The following UBR4 variants were observed in gnomAD, a reference collection of about 807,000 sequenced individuals.
UBR4 encodes the protein E3 ubiquitin-protein ligase UBR4.
UBR4 carries 124 observed loss-of-function variants against 575.6 expected under a neutral mutation model. That is an observed-to-expected ratio of 0.22 (90% confidence interval 0.19 to 0.25). UBR4 has a LOEUF of 0.25. UBR4 is among the 10% of genes least tolerant of loss of function. UBR4 has a pLI of 1.00. For synonymous variants in UBR4, 2,455 were observed against 2,473.7 expected (o/e 0.99, Z 0.22); for missense variants, 4,818 against 6,478.8 (o/e 0.74, Z 8.80).
At chr1:19,148,988 T>G (rs2150205246) in intron 49 of UBR4, among the ~76,000 whole-genome samples, 1 of 152,242 alleles carries the variant, frequency 6.6e-6, no homozygotes, top group African/African-American at 2.4e-5. Context: ...TGCCCAGAGA[T>G]CAGTGGGCAA....
Position 19,167,436 on chromosome 1 carries a change from C to T in UBR4, c.3900-205G>A, listed in dbSNP as rs189796635. ...ATATTCTTCTTTTTCATTATTATATCAGAAACAAAAATCATTTTCATTTGA... is the reference window on the plus strand; with the variant it reads ...ATATTCTTCTTTTTCATTATTATATTAGAAACAAAAATCATTTTCATTTGA... On this transcript the variant is annotated intron_variant, in intron 28 of 105. Transcript: ENST00000375254. 3.0e-3 allele frequency among the ~76,000 whole-genome samples: 460 copies of T among 152,262 alleles called. 2 individuals carry two copies. Among genetic ancestry groups the T allele is most frequent in the African/African-American group, 0.011 (446 of 41,548 alleles).
intron 60 of UBR4, among the ~76,000 whole-genome samples, chr1:19,132,391 A>G (rs2082588761): frequency 6.6e-6 from 1 of 151,986 alleles, no homozygotes; most frequent in Non-Finnish European, 1.5e-5. Context: ...TATGTTGAGC[A>G]GGCTGGTTTT....
chr1:19,126,617 T>C lies in UBR4; in HGVS notation c.9267A>G (p.Leu3089=), dbSNP rs143005308. 796 of 1,613,990 alleles carry C rather than the reference T, an allele frequency of 4.9e-4. No homozygotes were observed. Among genetic ancestry groups the C allele is most frequent in the African/African-American group, 3.6e-3 (270 of 75,030 alleles). ...AGTAGTCCACAGCCCCAGAGCTCAGTAGAGCTGCTGCTGTGGCACTGGAGA... is the reference window on the plus strand; with the variant it reads ...AGTAGTCCACAGCCCCAGAGCTCAGCAGAGCTGCTGCTGTGGCACTGGAGA... The part of the protein sequence containing the change: ...SLISSATAAA[L]LSSGAVDYCL... The change falls in exon 64 of 106, where the codon CTA becomes CTG. Residue 3089 remains leucine, a synonymous_variant. Coordinates refer to ENST00000375254, the MANE Select transcript of UBR4 (RefSeq NM_020765.3).
rs758212053 is a variant in UBR4 at position 19,146,915 on chromosome 1, C to T, written c.7715G>A (p.Arg2572Lys). ...GKDLDPEVFQ[R>K]LVITARSIAI... is the part of the protein sequence containing the mutation. ...AATGGAGCGAGCTGTGATCACTAGC[C>T]TCTGGAACACCTCAGGGTCCAAATC... The change falls in exon 52 of 106, where the codon AGG (arginine) becomes AAG (lysine). Residue 2572 changes from arginine to lysine, a missense_variant. Physicochemically the swap from Arg to Lys is conservative, Grantham distance 26. Around this residue, in one of 29 missense-constraint regions of UBR4, gnomAD observed 340 missense variants for 375.4 expected, o/e 0.91. Coordinates refer to ENST00000375254, the MANE Select transcript of UBR4 (RefSeq NM_020765.3). 132 of 1,614,046 alleles carry T rather than the reference C, an allele frequency of 8.2e-5. No individual in the cohort carries two copies. The highest frequency in any genetic ancestry group is 9.2e-5 in the Non-Finnish European group (109 of 1,180,002).
intron 65 of UBR4, 47 bp from the exon 66 acceptor site, chr1:19,123,107 T>C (rs961645983): frequency 5.0e-6 from 8 of 1,591,308 alleles, no homozygotes; most frequent in Non-Finnish European, 6.0e-6. Flanking sequence ...TGGGACTGTA[T>C]CTATATCAAC....
At position 19,076,854 on chromosome 1, in the gene UBR4, C is replaced by G; in HGVS notation, c.15373G>C (p.Glu5125Gln). 6.2e-7 allele frequency: 1 copy of G among 1,609,458 alleles called. No homozygotes were observed. Among genetic ancestry groups the G allele is most frequent in the South Asian group, 1.1e-5 (1 of 90,370 alleles). Residue 5125 changes from glutamate to glutamine, a missense_variant, in exon 105 of 106, where the codon GAG becomes CAG. Around this residue, in one of 29 missense-constraint regions of UBR4, gnomAD observed 212 missense variants for 221.3 expected, o/e 0.96. Transcript: ENST00000375254. ...TEGGWSCSLA[E>Q]YIRHNDMPIY... ...GGCATGTCGTTGTGGCGGATGTACTCAGCGAGAGAGCAGGACCAGCCTCCC... is the reference window on the plus strand; with the variant it reads ...GGCATGTCGTTGTGGCGGATGTACTGAGCGAGAGAGCAGGACCAGCCTCCC...
At chr1:19,119,525 G>A (rs375031871) in intron 70 of UBR4, 32 bp downstream of exon 70, 3 of 1,596,836 alleles carry the variant, frequency 1.9e-6, no homozygotes, top group South Asian at 2.2e-5. Context: ...AATATGGCAA[G>A]TTGGCCCCTC....
At chr1:19,149,174 T>A (rs1419683614) in intron 49 of UBR4, among the ~76,000 whole-genome samples, 1 of 152,096 alleles carries the variant, frequency 6.6e-6, no homozygotes, top group Non-Finnish European at 1.5e-5. Context: ...TTTAGAAAAC[T>A]TTTCCCCTTA....
In UBR4 at chr1:19,093,022, G is replaced by T; in HGVS notation, c.14112-104C>A. 1.9e-6 allele frequency: 2 copies of T among 1,062,744 alleles called. No individual in the cohort carries two copies. Among genetic ancestry groups the T allele is most frequent in the South Asian group, 1.5e-5 (1 of 67,004 alleles). 65.8% of individuals were successfully genotyped at this position (1,062,744 alleles called of 1,614,324 possible). A position where few individuals can be genotyped will look rare whatever the true frequency, so the allele number is the denominator to read the frequency against. ...TTAAACCCCCAGGGCATGATTAACC[G>T]TGACCCTCTCCGAGTGTCATAAAGA... On this transcript the variant is annotated intron_variant, in intron 96 of 105. Transcript: ENST00000375254. This position sits in a 1 kb window ranked among gnomAD's most constrained non-coding sequence, Gnocchi z 4.8.
rs2080624595 is a variant in UBR4, at chr1:19,117,050, A to G, written c.10823+171T>C. 6.6e-6 allele frequency among the ~76,000 whole-genome samples: 1 copy of G among 152,154 alleles called. No homozygotes were observed. The highest frequency in any genetic ancestry group is 2.4e-5 in the African/African-American group (1 of 41,422). On this transcript the variant is annotated intron_variant, in intron 73 of 105. Transcript: ENST00000375254. The surrounding 1 kb of genome is among the most constrained non-coding windows in gnomAD (Gnocchi z 4.0). ...TAATTTAGAAATAATCTTTGTCAACATGCTTAGAACTGTTGTTTCACTTTT... is the reference window on the plus strand; with the variant it reads ...TAATTTAGAAATAATCTTTGTCAACGTGCTTAGAACTGTTGTTTCACTTTT...
At position 19,152,505 on chromosome 1, in the gene UBR4, A is replaced by G. The variant is rs1239188416; in HGVS notation, c.6833-29T>C. ...CAGAGAACGGTACCAGATCGTCAAG[A>G]GTCTCTCCCACCTCTGCCCCAACAC... On this transcript the variant is annotated intron_variant, in intron 46 of 105. Coordinates refer to ENST00000375254, the MANE Select transcript of UBR4 (RefSeq NM_020765.3). The surrounding 1 kb of genome is among the most constrained non-coding windows in gnomAD (Gnocchi z 4.4). 1.2e-6 allele frequency: 2 copies of G among 1,612,496 alleles called. No individual in the cohort carries two copies. Among genetic ancestry groups the G allele is most frequent in the South Asian group, 2.2e-5 (2 of 90,982 alleles).
Position 19,150,793 on chromosome 1 carries a change from A to G in UBR4, c.7214T>C (p.Ile2405Thr), listed in dbSNP as rs760976463. ...LQADKKLNLFIGASVDPAGVT... is the reference protein window; with the variant it reads ...LQADKKLNLFTGASVDPAGVT... ...ACCTGCTGGATCCACCGAGGCCCCA[A>G]CTGCAATAAGCAAGAGAGGCCTTTA... is the stretch of plus-strand genomic sequence containing the variant. The change falls in exon 49 of 106, where the codon ATT (isoleucine) becomes ACT (threonine). Residue 2405 changes from isoleucine (I) to threonine (T), a missense_variant and splice_region_variant. Coordinates refer to ENST00000375254, the MANE Select transcript of UBR4 (RefSeq NM_020765.3). 15 of 1,613,760 alleles carry G rather than the reference A, an allele frequency of 9.3e-6. No individual in the cohort carries two copies. In the South Asian group the frequency reaches 1.3e-4, roughly 14 times the overall value.
At chr1:19,193,669 A>G in intron 8 of UBR4, 112 bp from the exon 9 acceptor site, 1 of 1,367,470 alleles carries the variant, frequency 7.3e-7, no homozygotes, top group African/African-American at 1.5e-5. Context: ...TGACTACTTA[A>G]AATAAATGCC....
At chr1:19,177,888 G>T in intron 18 of UBR4, 145 bp from the exon 19 acceptor site, 1 of 1,067,050 alleles carries the variant, frequency 9.4e-7, no homozygotes, top group Non-Finnish European at 1.3e-6. Context: ...ACATGGTAAA[G>T]ACAAGACAGA....
At chr1:19,101,498 T>G (rs76771978) in intron 88 of UBR4, 22 bp downstream of exon 88, 1 of 1,594,096 alleles carries the variant, frequency 6.3e-7, no homozygotes, top group Non-Finnish European at 8.6e-7. Flanking sequence ...TCGAGAGCCA[T>G]GGGAAGCACC....
chr1:19,134,744 A>T (rs1440396973), intron 60 of UBR4, among the ~76,000 whole-genome samples: 2 of 151,758 alleles, frequency 1.3e-5, no homozygotes, highest in Non-Finnish European at 2.9e-5. Context: ...GAAGGTCTTC[A>T]AAGAGAACCT....
Position 19,164,395 on chromosome 1 carries a change from G to A in UBR4, c.4558C>T (p.Pro1520Ser), listed in dbSNP as rs754445262. ...VCAVLLGTLT[P>S]MATEMLANGD... ...TTGGCCAGCATCTCTGTTGCCATGG[G>A]AGTCAGGGTGCCCAGAAGAACAGCA... The change falls in exon 33 of 106, where the codon CCC (proline) becomes TCC (serine). Residue 1520 changes from proline (P) to serine (S), a missense_variant. Pro to Ser is a moderately conservative substitution (Grantham distance 74, BLOSUM62 -1). Around this residue, in one of 29 missense-constraint regions of UBR4, gnomAD observed 1,172 missense variants for 1,259.7 expected, o/e 0.93. Transcript: ENST00000375254. 13 of 1,614,064 alleles carry A rather than the reference G, an allele frequency of 8.1e-6. No homozygotes were observed. The East Asian group carries it at 2.5e-4, about 30-fold the overall frequency.
intron 83 of UBR4, among the ~76,000 whole-genome samples, chr1:19,106,067 G>C (rs2079159009): frequency 6.6e-6 from 1 of 152,138 alleles, no homozygotes; most frequent in Non-Finnish European, 1.5e-5. Flanking sequence ...TTCTCCATCA[G>C]GAGATGTGAA....
In UBR4 at chr1:19,161,155, C is replaced by T; in HGVS notation, c.5176-8G>A. 6.2e-7 allele frequency: 1 copy of T among 1,612,412 alleles called. No homozygotes were observed. Among genetic ancestry groups the T allele is most frequent in the South Asian group, 1.1e-5 (1 of 90,840 alleles). ...AGTTCTCTTCACCAGAGCCTAGGGACAGAAAATGTCAGAGTCCCTAAGTTC... is the reference window on the plus strand; with the variant it reads ...AGTTCTCTTCACCAGAGCCTAGGGATAGAAAATGTCAGAGTCCCTAAGTTC... On this transcript the variant is annotated splice_polypyrimidine_tract_variant and splice_region_variant and intron_variant, in intron 37 of 105. Transcript: ENST00000375254.
Sources: gnomAD v4.1 joint callset for allele counts (sites outside exome capture counted in the v4.1 genomes callset) on GRCh38, gnomAD v4.1.1 for gene constraint, gnomAD v4.1.1 regional missense constraint, Gnocchi (gnomAD v3.1) non-coding constraint, MANE v1.5 for transcripts, NCBI Gene and HGNC (gene_info 2026-07-23, HGNC 2026-07-21) for gene names.